ZFHX3: variants seen among roughly 807,000 people sequenced by gnomAD.
The protein encoded by ZFHX3 is zinc finger homeobox 3, also known as zinc finger homeobox protein 3.
ZFHX3 carries 42 observed loss-of-function variants against 279.1 expected under a neutral mutation model. That is an observed-to-expected ratio of 0.15 (90% CI 0.12 to 0.19). The LOEUF (loss-of-function observed/expected upper bound fraction) is 0.19, where lower values mean the gene tolerates loss of function less well. Among genes scored for constraint, ZFHX3 ranks in the 10% least tolerant of loss-of-function variants. The pLI is 1.00. For synonymous variants in ZFHX3, 2,293 were observed against 1,957.8 expected (o/e 1.17, Z -4.52); for missense variants, 4,981 against 4,754.0 (o/e 1.05, Z -1.40).
At chr16:73,764,129 C>G (rs1198944786) in intron 1 of ZFHX3, among the ~76,000 whole-genome samples, 1 of 152,196 alleles carries the variant, frequency 6.6e-6, no homozygotes, top group Non-Finnish European at 1.5e-5. Context: ...ATTTGTTACA[C>G]AGGCATAGAA....
At chr16:73,670,873 C>T (rs1452130295) in intron 2 of ZFHX3, among the ~76,000 whole-genome samples, 2 of 152,152 alleles carry the variant, frequency 1.3e-5, no homozygotes, top group African/African-American at 2.4e-5. Flanking sequence ...ATAAGGTTAG[C>T]TTTTATTGAA....
intron 6 of ZFHX3, among the ~76,000 whole-genome samples, chr16:73,139,201 C>T (rs1480353720): frequency 6.6e-6 from 1 of 152,068 alleles, no homozygotes; most frequent in Non-Finnish European, 1.5e-5. Context: ...ATGGTATATC[C>T]AACACTGGAA....
At chr16:72,843,841 C>T (rs2037410829) in intron 4 of ZFHX3, among the ~76,000 whole-genome samples, 1 of 152,248 alleles carries the variant, frequency 6.6e-6, no homozygotes, top group Non-Finnish European at 1.5e-5. Flanking sequence ...AAAAAATGAA[C>T]TCACCAAAAC....
rs58160923 is a variant in ZFHX3, at chr16:73,793,534, C to T, written c.-1608+98117G>A. On this transcript the variant is annotated intron_variant, in intron 1 of 17. Transcript: ENST00000641206. ...ATAAAAAGCACTTTGCTTGACTACG[C>T]GGTTCATACTAATTGTAGCTGTGCT... Among the ~76,000 whole-genome samples the T allele has an allele frequency of 5.3e-3, 814 of 152,300 alleles. 10 individuals carry two copies. The highest frequency in any genetic ancestry group is 0.019 in the African/African-American group (784 of 41,560).
intron 5 of ZFHX3, among the ~76,000 whole-genome samples, chr16:73,239,886 G>A (rs1188758124): frequency 6.6e-6 from 1 of 152,190 alleles, no homozygotes; most frequent in Admixed American, 6.5e-5. Context: ...CTGAGTTAGT[G>A]AATACCGAAC....
intron 3 of ZFHX3, among the ~76,000 whole-genome samples, chr16:73,453,697 A>C (rs1024287999): frequency 6.6e-6 from 1 of 152,210 alleles, no homozygotes; most frequent in African/African-American, 2.4e-5. Context: ...GAGACTGTGC[A>C]ATTTATAAAG....
At chr16:73,402,788 T>C (rs1479445018) in intron 3 of ZFHX3, among the ~76,000 whole-genome samples, 1 of 152,080 alleles carries the variant, frequency 6.6e-6, no homozygotes, top group Non-Finnish European at 1.5e-5. Context: ...GGGCTGTTAA[T>C]GTCAATATGA....
At chr16:73,550,560 C>T (rs2020188642) in intron 2 of ZFHX3, among the ~76,000 whole-genome samples, 1 of 152,132 alleles carries the variant, frequency 6.6e-6, no homozygotes, top group African/African-American at 2.4e-5. Flanking sequence ...AAAAACAAGC[C>T]ACCGTGATCC....
chr16:73,727,376 A>G (rs2053527655), intron 1 of ZFHX3, among the ~76,000 whole-genome samples: 1 of 152,234 alleles, frequency 6.6e-6, no homozygotes, highest in Non-Finnish European at 1.5e-5. Context: ...GTGGGATTAG[A>G]TGGTTCAAGA....
intron 1 of ZFHX3, among the ~76,000 whole-genome samples, chr16:73,045,785 T>A (rs1366906517): frequency 7.8e-6 from 1 of 128,764 alleles, no homozygotes; most frequent in African/African-American, 3.1e-5. Flanking sequence ...GTACAGCCAT[T>A]TCAAAAAAAA....
At chr16:72,968,618 G>A (rs1421701722) in intron 1 of ZFHX3, among the ~76,000 whole-genome samples, 2 of 151,898 alleles carry the variant, frequency 1.3e-5, no homozygotes, top group East Asian at 1.9e-4. Context: ...CCACCACCAC[G>A]CCTGGCTAAT....
intron 3 of ZFHX3, among the ~76,000 whole-genome samples, chr16:72,900,848 T>C (rs2039017581): frequency 6.6e-6 from 1 of 152,150 alleles, no homozygotes; most frequent in African/African-American, 2.4e-5. Context: ...AGGACAGCAA[T>C]GGCCACGGAA....
intron 3 of ZFHX3, among the ~76,000 whole-genome samples, chr16:73,342,697 A>G (rs974908830): frequency 6.6e-6 from 1 of 152,200 alleles, no homozygotes; most frequent in African/African-American, 2.4e-5. Context: ...GTTTCCTGCA[A>G]GAGGTGGGTA....
chr16:73,817,008 G>A (rs921771308), intron 1 of ZFHX3, among the ~76,000 whole-genome samples: 1 of 152,174 alleles, frequency 6.6e-6, no homozygotes, highest in Admixed American at 6.5e-5. Context: ...CATGGGACTG[G>A]ACATAATGGT....
intron 3 of ZFHX3, among the ~76,000 whole-genome samples, 166 bp from the exon 4 acceptor site, chr16:72,890,128 A>G (rs1464362691): frequency 6.6e-6 from 1 of 152,102 alleles, no homozygotes; most frequent in African/African-American, 2.4e-5. Flanking sequence ...TCCCCGCCCA[A>G]AATCTCATCT....
At chr16:73,305,923 A>C (rs1404641473) in intron 4 of ZFHX3, among the ~76,000 whole-genome samples, 2 of 152,256 alleles carry the variant, frequency 1.3e-5, no homozygotes, top group African/African-American at 4.8e-5. Context: ...GTCACAGACT[A>C]CAACTTTGGC....
At chr16:73,830,180 G>A (rs1393904544) in intron 1 of ZFHX3, among the ~76,000 whole-genome samples, 5 of 133,446 alleles carry the variant, frequency 3.7e-5, no homozygotes, top group Admixed American at 1.5e-4. Context: ...AGGTGCGTCC[G>A]TCACCCCTTT....
At chr16:73,244,839 C>T (rs2013231581) in intron 5 of ZFHX3, among the ~76,000 whole-genome samples, 1 of 152,174 alleles carries the variant, frequency 6.6e-6, no homozygotes, top group African/African-American at 2.4e-5. Context: ...TGATACATGG[C>T]AGAGGACTTA....
chr16:73,484,740 G>A lies in ZFHX3; in HGVS notation c.-1546-28482C>T, dbSNP rs148007135. On this transcript the variant is annotated intron_variant, in intron 2 of 17. Coordinates refer to the ZFHX3 transcript ENST00000641206. Reference sequence around the variant, plus strand: ...CTATGTTTTAGCATCTGTTGGTTTGGCCAGAGGAACACCTTCGATGAGAAG... The same window carrying A: ...CTATGTTTTAGCATCTGTTGGTTTGACCAGAGGAACACCTTCGATGAGAAG... Among the ~76,000 whole-genome samples, 1,024 of 152,296 alleles carry A rather than the reference G, an allele frequency of 6.7e-3. 21 individuals carry two copies. Among genetic ancestry groups the A allele is most frequent in the African/African-American group, 0.024 (981 of 41,554 alleles).
Sources: allele counts gnomAD v4.1 joint callset (sites outside exome capture counted in the v4.1 genomes callset), GRCh38; gene constraint gnomAD v4.1.1; transcripts MANE v1.5; gene names NCBI Gene and HGNC (gene_info 2026-07-23, HGNC 2026-07-21).